Variants in FOXN3 observed in about 807,000 individuals in gnomAD.
The protein encoded by FOXN3 is forkhead box protein N3.
FOXN3 carries 7 observed loss-of-function variants against 38.4 expected under a neutral mutation model. The ratio of observed to expected loss-of-function variants is 0.18; its 90% CI spans 0.10 to 0.34. FOXN3 has a LOEUF of 0.34. FOXN3 is among the 10% of genes least tolerant of loss of function. The probability of loss-of-function intolerance (pLI) is 1.00; values close to 1 mark genes in which losing one functional copy is unlikely to be tolerated. For missense variants in FOXN3, 456 were observed against 613.4 expected, an observed-to-expected ratio of 0.74 and a Z score of 2.71; for synonymous variants, 230 against 242.2, an observed-to-expected ratio of 0.95 and a Z score of 0.47.
At chr14:89,349,598 G>A (rs1391498670) in intron 3 of FOXN3, 3 of 152,626 alleles carry the variant, frequency 2.0e-5, no homozygotes, top group South Asian at 2.1e-4. Flanking sequence ...CACGCTAATC[G>A]CCTAGCAAAG....
intron 1 of FOXN3, among the ~76,000 whole-genome samples, chr14:89,542,368 T>G (rs1262938428): frequency 6.6e-6 from 1 of 152,210 alleles, no homozygotes; most frequent in African/African-American, 2.4e-5. Flanking sequence ...ATCTAGAGGC[T>G]AGGAATGCCT....
intron 1 of FOXN3, among the ~76,000 whole-genome samples, chr14:89,467,385 G>A (rs967653532): frequency 1.3e-5 from 2 of 152,116 alleles, no homozygotes; most frequent in African/African-American, 4.8e-5. Flanking sequence ...AATCTGGAAG[G>A]GGCTCTTGGA....
intron 4 of FOXN3, among the ~76,000 whole-genome samples, chr14:89,216,356 G>A (rs1596108729): frequency 6.6e-6 from 1 of 152,162 alleles, no homozygotes; most frequent in Non-Finnish European, 1.5e-5. Flanking sequence ...TAAGGCATAG[G>A]TCAAAGGGGA....
intron 1 of FOXN3, among the ~76,000 whole-genome samples, chr14:89,559,462 G>A (rs1165421095): frequency 6.6e-6 from 1 of 152,128 alleles, no homozygotes. Context: ...CAGATCACCA[G>A]GTCGGGAGAT....
At chr14:89,550,537 G>A (rs1894982761) in intron 1 of FOXN3, among the ~76,000 whole-genome samples, 1 of 152,132 alleles carries the variant, frequency 6.6e-6, no homozygotes, top group Admixed American at 6.5e-5. Context: ...GCATCGCCCA[G>A]GGATAAAACT....
chr14:89,241,377 T>C (rs1352735640), intron 4 of FOXN3, among the ~76,000 whole-genome samples: 1 of 152,206 alleles, frequency 6.6e-6, no homozygotes, highest in Non-Finnish European at 1.5e-5. Context: ...CTGTGCATGC[T>C]CATGAGGTGG....
intron 2 of FOXN3, among the ~76,000 whole-genome samples, chr14:89,411,336 A>G (rs1369212282): frequency 6.6e-6 from 1 of 152,170 alleles, no homozygotes; most frequent in East Asian, 1.9e-4. Context: ...CCTCACTCTG[A>G]GCCGGGAATT....
At chr14:89,497,927 T>C (rs1278601635) in intron 1 of FOXN3, among the ~76,000 whole-genome samples, 1 of 152,042 alleles carries the variant, frequency 6.6e-6, no homozygotes, top group African/African-American at 2.4e-5. Context: ...TGTTTGGTTT[T>C]TTTTTGAAAT....
At chr14:89,517,880 A>G (rs936845181) in intron 1 of FOXN3, among the ~76,000 whole-genome samples, 2 of 152,190 alleles carry the variant, frequency 1.3e-5, no homozygotes, top group Non-Finnish European at 2.9e-5. Flanking sequence ...ATTGGCCTGT[A>G]AGTTGCTTAT....
intron 1 of FOXN3, among the ~76,000 whole-genome samples, chr14:89,528,376 C>CTTTGTTTTTTT (rs1894474725): frequency 1.9e-5 from 1 of 53,550 alleles, no homozygotes; most frequent in Non-Finnish European, 3.4e-5. Flanking sequence ...ATGGATGAAT[C>CTTTGTTTTTTT]TTTTTTTTTT....
At chr14:89,223,191 T>C (rs1463579103) in intron 4 of FOXN3, 1 of 152,384 alleles carries the variant, frequency 6.6e-6, no homozygotes, top group African/African-American at 2.4e-5. Flanking sequence ...AGCCACTGTA[T>C]GCTAGATCTA....
chr14:89,287,650 G>C (rs1269985752), intron 3 of FOXN3, among the ~76,000 whole-genome samples: 1 of 150,496 alleles, frequency 6.6e-6, no homozygotes, highest in Non-Finnish European at 1.5e-5. Flanking sequence ...AAGGATTCTT[G>C]GAGATGTTCT....
chr14:89,508,507 T>C (rs1308605325), intron 1 of FOXN3, among the ~76,000 whole-genome samples: 1 of 151,982 alleles, frequency 6.6e-6, no homozygotes, highest in African/African-American at 2.4e-5. Flanking sequence ...GGGAAAGCGG[T>C]GTTGAAAGTG....
chr14:89,321,601 TAAG>T (rs1167964873), intron 3 of FOXN3, among the ~76,000 whole-genome samples: 1 of 152,000 alleles, frequency 6.6e-6, no homozygotes, highest in Non-Finnish European at 1.5e-5. Flanking sequence ...AAATAAAAAT[TAAG>T]AAGTTGTATT....
chr14:89,200,536 C>A (rs1295890331), intron 4 of FOXN3, among the ~76,000 whole-genome samples: 1 of 152,170 alleles, frequency 6.6e-6, no homozygotes, highest in Non-Finnish European at 1.5e-5. Context: ...GATCACTGTC[C>A]CTGCTGCTCC....
intron 1 of FOXN3, among the ~76,000 whole-genome samples, chr14:89,591,576 G>A (rs543720035): frequency 6.8e-4 from 103 of 152,290 alleles, no homozygotes; most frequent in Non-Finnish European, 2.9e-4. Flanking sequence ...ATATGAAAAC[G>A]AAATTCAGGC....
intron 5 of FOXN3, among the ~76,000 whole-genome samples, chr14:89,173,282 G>T (rs962077381): frequency 6.6e-6 from 1 of 152,232 alleles, no homozygotes. Context: ...CTACCAGATT[G>T]GTTGAAATGA....
At chr14:89,384,257 G>A (rs1890735488) in intron 2 of FOXN3, among the ~76,000 whole-genome samples, 1 of 152,136 alleles carries the variant, frequency 6.6e-6, no homozygotes, top group African/African-American at 2.4e-5. Context: ...TGGCATGTGG[G>A]AGAGGAGATC....
chr14:89,162,977 G>C lies in FOXN3; in HGVS notation c.852-8C>G. The C allele has an allele frequency of 6.5e-7, 1 of 1,545,506 alleles. No individual in the cohort carries two copies. Among genetic ancestry groups the C allele is most frequent in the Non-Finnish European group, 8.7e-7 (1 of 1,143,258 alleles). Reference sequence around the variant, plus strand: ...CAGCTGGTGATGCCATTCCTGCAGAGCGAGGACAGTGGGGAGGGACGGGAG... The same window carrying C: ...CAGCTGGTGATGCCATTCCTGCAGACCGAGGACAGTGGGGAGGGACGGGAG... On this transcript the variant is annotated splice_polypyrimidine_tract_variant and splice_region_variant and intron_variant, in intron 5 of 5. Transcript: ENST00000557258. The surrounding 1 kb of genome is among the most constrained non-coding windows in gnomAD (Gnocchi z 7.2).
Sources: allele counts gnomAD v4.1 joint callset (sites outside exome capture counted in the v4.1 genomes callset), GRCh38; gene constraint gnomAD v4.1.1; non-coding constraint Gnocchi (gnomAD v3.1); transcripts MANE v1.5; gene names NCBI Gene and HGNC (gene_info 2026-07-23, HGNC 2026-07-21).